The following FBXO33 variants were observed in gnomAD, a reference collection of about 807,000 sequenced individuals.
FBXO33 encodes F-box only protein 33.
A neutral mutation model predicts 46.3 loss-of-function variants in FBXO33; 22 were observed. The observed-to-expected ratio is 0.48, with a 90% confidence interval of 0.34 to 0.68. The LOEUF (loss-of-function observed/expected upper bound fraction) is 0.68. FBXO33 is among the 30% of genes least tolerant of loss of function. The pLI is 0.01. For missense variants in FBXO33, 692 were observed against 708.8 expected (o/e 0.98, Z 0.27); for synonymous variants, 337 against 291.3 (o/e 1.16, Z -1.60).
At chr14:39,419,962 A>G in intron 1 of FBXO33, among the ~76,000 whole-genome samples, 1 of 152,232 alleles carries the variant, frequency 6.6e-6, no homozygotes, top group Middle Eastern at 3.2e-3. Flanking sequence ...GCAAAAGGCC[A>G]TATACTATCA....
At chr14:39,400,363 G>A (rs1454363744) in intron 3 of FBXO33, among the ~76,000 whole-genome samples, 3 of 152,242 alleles carry the variant, frequency 2.0e-5, no homozygotes, top group South Asian at 2.1e-4. Context: ...GAATGAATAC[G>A]GGGAGCTTTA....
At chr14:39,428,395 T>G (rs1347101296) in intron 1 of FBXO33, among the ~76,000 whole-genome samples, 1 of 152,062 alleles carries the variant, frequency 6.6e-6, no homozygotes, top group Non-Finnish European at 1.5e-5. Context: ...AGATGGGGTT[T>G]TGCCATATTG....
Position 39,432,159 on chromosome 14 carries a change from A to T in FBXO33, c.4T>A (p.Leu2Met), listed in dbSNP as rs971013266. M[L>M]LFLSVPQPRP... is the part of the protein sequence containing the mutation. ...GGCTGCGGCACTGACAAGAACAACA[A>T]CATCAATGACTAGGAAGAAGGGGGC... The change falls in exon 1 of 4, where the codon TTG (leucine) becomes ATG (methionine). Residue 2 changes from leucine (L) to methionine (M), a missense_variant. Coordinates refer to ENST00000298097, the MANE Select transcript of FBXO33 (RefSeq NM_203301.4). The T allele has an allele frequency of 7.3e-6, 9 of 1,232,996 alleles. No homozygotes were observed. Among genetic ancestry groups the T allele is most frequent in the African/African-American group, 1.6e-5 (1 of 64,268 alleles). 76.4% of individuals were successfully genotyped at this position (1,232,996 alleles called of 1,614,324 possible).
In FBXO33 at chr14:39,399,309, G is replaced by A. The variant is rs1466567047; in HGVS notation, c.*207C>T. On this transcript the variant is annotated 3_prime_UTR_variant, in exon 4 of 4. Coordinates refer to ENST00000298097, the MANE Select transcript of FBXO33 (RefSeq NM_203301.4). Reference sequence around the variant, plus strand: ...AGGTTTGGTAACAAGTCCATTAACCGTGAAAGCCCTATACATTGTCACTTT... The same window carrying A: ...AGGTTTGGTAACAAGTCCATTAACCATGAAAGCCCTATACATTGTCACTTT... 3 of 395,934 alleles carry A rather than the reference G, an allele frequency of 7.6e-6. No homozygotes were observed. The highest frequency in any genetic ancestry group is 8.5e-5 in the South Asian group (1 of 11,696). The allele number at this position is 395,934 out of a possible 1,614,324, so 24.5% of individuals were successfully genotyped here. A position where few individuals can be genotyped will look rare whatever the true frequency, so the allele number is the denominator to read the frequency against.
At chr14:39,428,263 T>C (rs1007143438) in intron 1 of FBXO33, among the ~76,000 whole-genome samples, 4 of 152,264 alleles carry the variant, frequency 2.6e-5, no homozygotes, top group African/African-American at 9.6e-5. Flanking sequence ...TGGAGTGCAG[T>C]AGCACGATCT....
chr14:39,412,865 T>G (rs1356763023), intron 1 of FBXO33, among the ~76,000 whole-genome samples: 1 of 152,246 alleles, frequency 6.6e-6, no homozygotes, highest in Non-Finnish European at 1.5e-5. Context: ...TACATATACC[T>G]TAGGTAAAAA....
At chr14:39,418,643 C>T (rs1377225131) in intron 1 of FBXO33, among the ~76,000 whole-genome samples, 4 of 150,890 alleles carry the variant, frequency 2.7e-5, no homozygotes, top group South Asian at 2.1e-4. Flanking sequence ...GGCGTGGTGG[C>T]GGGTCCCTGT....
intron 1 of FBXO33, among the ~76,000 whole-genome samples, chr14:39,415,549 T>A (rs895742647): frequency 2.6e-5 from 4 of 152,368 alleles, no homozygotes; most frequent in Non-Finnish European, 1.5e-5. Context: ...GATAATAATA[T>A]AATTGTATGC....
At chr14:39,429,539 A>G (rs2075532813) in intron 1 of FBXO33, among the ~76,000 whole-genome samples, 1 of 152,260 alleles carries the variant, frequency 6.6e-6, no homozygotes, top group Non-Finnish European at 1.5e-5. Flanking sequence ...CTTTTCCAAT[A>G]TCACAGAGTA....
At chr14:39,426,926 C>T (rs1278975604) in intron 1 of FBXO33, among the ~76,000 whole-genome samples, 3 of 152,150 alleles carry the variant, frequency 2.0e-5, no homozygotes, top group African/African-American at 4.8e-5. Context: ...TTCTGTCTTC[C>T]TTCCTCCTCT....
intron 1 of FBXO33, among the ~76,000 whole-genome samples, chr14:39,418,197 G>A (rs1158142054): frequency 6.6e-6 from 1 of 151,654 alleles, no homozygotes; most frequent in East Asian, 2.0e-4. Context: ...CCGAGTAGCT[G>A]GGACTACAGG....
chr14:39,399,669 C>G lies in FBXO33; in HGVS notation c.1515G>C (p.Gln505His). ...IDFDQGELAD[Q>H]DVDPVHNLIE... The stretch of plus-strand genomic sequence containing the variant: ...TAAGGTTATGCACTGGATCTACATC[C>G]TGGTCGGCCAGTTCACCTTGGTCAA... The change falls in exon 4 of 4, where the codon CAG (glutamine) becomes CAC (histidine). Residue 505 changes from glutamine (Q) to histidine (H), a missense_variant. Coordinates refer to ENST00000298097, the MANE Select transcript of FBXO33 (RefSeq NM_203301.4). 6.2e-7 allele frequency: 1 copy of G among 1,614,018 alleles called. No individual in the cohort carries two copies. The highest frequency in any genetic ancestry group is 8.5e-7 in the Non-Finnish European group (1 of 1,179,980).
intron 1 of FBXO33, among the ~76,000 whole-genome samples, chr14:39,427,838 C>A (rs1242050928): frequency 6.6e-6 from 1 of 152,054 alleles, no homozygotes; most frequent in Non-Finnish European, 1.5e-5. Context: ...GTCCTAGCTA[C>A]TAGGGAGGCT....
chr14:39,405,948 C>G (rs2075395344), intron 1 of FBXO33, among the ~76,000 whole-genome samples: 1 of 121,634 alleles, frequency 8.2e-6, no homozygotes, highest in Admixed American at 8.3e-5. Flanking sequence ...TTTTAAAAAA[C>G]ATTTCAAGGA....
chr14:39,415,535 TTAAGATAATAA>T (rs1411287554), intron 1 of FBXO33, among the ~76,000 whole-genome samples: 1 of 152,212 alleles, frequency 6.6e-6, no homozygotes, highest in Non-Finnish European at 1.5e-5. Flanking sequence ...ATAGTGCATT[TTAAGATAATAA>T]TATAATTGTA....
chr14:39,401,545 T>C lies in FBXO33; in HGVS notation c.1027A>G (p.Asn343Asp), dbSNP rs1263541679. 13 of 1,614,066 alleles carry C rather than the reference T, an allele frequency of 8.1e-6. No individual in the cohort carries two copies. Among genetic ancestry groups the C allele is most frequent in the Non-Finnish European group, 1.0e-5 (12 of 1,180,030 alleles). The change falls in exon 3 of 4, where the codon AAT becomes GAT. Residue 343 changes from asparagine to aspartate, a missense_variant. Around this residue, in one of 3 missense-constraint regions of FBXO33, gnomAD observed 186 missense variants for 246.1 expected, o/e 0.76. Transcript: ENST00000298097. Reference protein sequence around the residue: ...PLQRLSLLVHNVSVMHKSLDN... With the variant: ...PLQRLSLLVHDVSVMHKSLDN... ...AGAGACTTGTGCATTACAGAAACAT[T>C]GTGAACCAGAAGAGACAGTCGTTGC...
At chr14:39,401,046 G>T in intron 3 of FBXO33, 130 bp downstream of exon 3, 1 of 838,052 alleles carries the variant, frequency 1.2e-6, no homozygotes, top group Non-Finnish European at 1.8e-6. Flanking sequence ...ACTTTAAAAA[G>T]CATAAGAATC....
At position 39,399,506 on chromosome 14, in the gene FBXO33, T is replaced by TA. The variant is rs576517410; in HGVS notation, c.*9dup. The TA allele has an allele frequency of 7.6e-5, 122 of 1,597,516 alleles. No homozygotes were observed. The highest frequency in any genetic ancestry group is 6.5e-4 in the African/African-American group (48 of 74,360). ...ATATGTAACCACAGGAATTCTACAT[T>TA]AAAAAAAAGCTAAATGTCTTCACTG... On this transcript the variant is annotated 3_prime_UTR_variant, in exon 4 of 4. Transcript: ENST00000298097.
At chr14:39,430,813 G>T (rs2075540654) in intron 1 of FBXO33, among the ~76,000 whole-genome samples, 2 of 152,134 alleles carry the variant, frequency 1.3e-5, no homozygotes, top group African/African-American at 4.8e-5. Context: ...AATATAAGGC[G>T]TTAGTTCTGG....
Sources: allele counts gnomAD v4.1 joint callset (sites outside exome capture counted in the v4.1 genomes callset), GRCh38; gene constraint gnomAD v4.1.1; regional missense constraint gnomAD v4.1.1; transcripts MANE v1.5; gene names NCBI Gene and HGNC (gene_info 2026-07-23, HGNC 2026-07-21).